SGCD: variants seen among roughly 807,000 people sequenced by gnomAD.
The protein encoded by SGCD is delta-sarcoglycan.
A neutral mutation model predicts 36.6 loss-of-function variants in SGCD; 18 were observed. The ratio of observed to expected loss-of-function variants is 0.49; its 90% CI spans 0.34 to 0.73. SGCD has a LOEUF of 0.73. SGCD is among the 30% of genes least tolerant of loss of function. The pLI is 0.01. For synonymous variants in SGCD, 133 were observed against 130.6 expected (o/e 1.02, Z -0.12); for missense variants, 387 against 346.7 (o/e 1.12, Z -0.92).
chr5:155,810,795 C>CTTTTTTTTTTT, the SGCD span, among the ~76,000 whole-genome samples: 4 of 35,334 alleles, frequency 1.1e-4, 2 homozygotes, highest in Non-Finnish European at 1.0e-4. Flanking sequence ...TTAGTGTCTG[C>CTTTTTTTTTTT]TTTTTTTTTT....
Position 156,425,211 on chromosome 5 carries a change from T to G in SGCD, c.192+80534T>G, listed in dbSNP as rs188707157. 1.1e-3 allele frequency among the ~76,000 whole-genome samples: 174 copies of G among 152,186 alleles called. 1 individual carries two copies. The highest frequency in any genetic ancestry group is 3.9e-3 in the African/African-American group (162 of 41,548). ...TCAGTGCACTGAAAGCTGGTAATTATGTTTTCATTTTTAAATGAGAAAACC... is the reference window on the plus strand; with the variant it reads ...TCAGTGCACTGAAAGCTGGTAATTAGGTTTTCATTTTTAAATGAGAAAACC... On this transcript the variant is annotated intron_variant, in intron 3 of 8. Transcript: ENST00000337851.
At chr5:156,215,985 T>C (rs1191064064) in intron 3 of SGCD, among the ~76,000 whole-genome samples, 3 of 152,190 alleles carry the variant, frequency 2.0e-5, no homozygotes, top group African/African-American at 7.2e-5. Context: ...ATATACATAA[T>C]GGAATAGTAT....
chr5:156,690,579 C>T (rs942128200), intron 7 of SGCD, among the ~76,000 whole-genome samples: 2 of 151,976 alleles, frequency 1.3e-5, no homozygotes, highest in Non-Finnish European at 2.9e-5. Context: ...AGCAGAAGCT[C>T]ATCTGCTTAG....
intron 3 of SGCD, among the ~76,000 whole-genome samples, chr5:156,408,569 G>T (rs1772549106): frequency 6.6e-6 from 1 of 152,150 alleles, no homozygotes; most frequent in Non-Finnish European, 1.5e-5. Context: ...AAGTTGGCCA[G>T]GCTGGTCTTG....
chr5:156,114,202 G>A (rs1761856581), intron 1 of SGCD, among the ~76,000 whole-genome samples: 1 of 152,136 alleles, frequency 6.6e-6, no homozygotes, highest in Non-Finnish European at 1.5e-5. Flanking sequence ...AAGAAATGTA[G>A]CACGCCAGTT....
At chr5:155,981,712 C>T (rs1269295734) in intron 1 of SGCD, among the ~76,000 whole-genome samples, 1 of 152,188 alleles carries the variant, frequency 6.6e-6, no homozygotes, top group Non-Finnish European at 1.5e-5. Flanking sequence ...AGGATGCTTT[C>T]CCATTCCTAC....
upstream of SGCD, among the ~76,000 whole-genome samples, chr5:156,323,176 T>C (rs1369167399): frequency 6.6e-6 from 1 of 152,190 alleles, no homozygotes; most frequent in Non-Finnish European, 1.5e-5. Context: ...TCCAGGTTAC[T>C]ACCTCCAAAC....
At chr5:156,264,544 C>T (rs534173279) in intron 3 of SGCD, among the ~76,000 whole-genome samples, 1 of 152,240 alleles carries the variant, frequency 6.6e-6, no homozygotes, top group South Asian at 2.1e-4. Flanking sequence ...CTTCCCAGGT[C>T]CTGAGATTAT....
chr5:155,987,999 T>A (rs1758363440), intron 1 of SGCD, among the ~76,000 whole-genome samples: 1 of 152,212 alleles, frequency 6.6e-6, no homozygotes, highest in African/African-American at 2.4e-5. Context: ...CTACCATATG[T>A]GGTAGATATT....
chr5:156,563,137 T>A (rs4080412), intron 4 of SGCD, among the ~76,000 whole-genome samples: 77,081 of 151,732 alleles, frequency 0.51, 20,193 homozygotes, highest in African/African-American at 0.62. Context: ...GCCCACAACC[T>A]CACCTGGCAA....
the SGCD span, among the ~76,000 whole-genome samples, chr5:155,804,414 C>T: frequency 6.6e-6 from 1 of 152,354 alleles, no homozygotes; most frequent in East Asian, 1.9e-4. Context: ...ACACTATGCT[C>T]TGAGACTTCC....
At chr5:156,012,206 T>C (rs574478783) in intron 1 of SGCD, among the ~76,000 whole-genome samples, 47 of 152,348 alleles carry the variant, frequency 3.1e-4, no homozygotes, top group Non-Finnish European at 5.6e-4. Context: ...TCAGACAGCA[T>C]AGCAGCAAAA....
At chr5:155,809,711 C>A in the SGCD span, among the ~76,000 whole-genome samples, 1 of 152,078 alleles carries the variant, frequency 6.6e-6, no homozygotes, top group Non-Finnish European at 1.5e-5. Flanking sequence ...GAGAGATGAG[C>A]ATCATGTGGA....
At chr5:156,439,856 T>C (rs989419876) in intron 3 of SGCD, among the ~76,000 whole-genome samples, 3 of 152,180 alleles carry the variant, frequency 2.0e-5, no homozygotes, top group East Asian at 1.9e-4. Flanking sequence ...ATCAGATTGT[T>C]GTGGAAAAAA....
At chr5:156,471,201 C>A (rs1261983472) in intron 3 of SGCD, among the ~76,000 whole-genome samples, 1 of 152,058 alleles carries the variant, frequency 6.6e-6, no homozygotes, top group Non-Finnish European at 1.5e-5. Flanking sequence ...AGTCATTGAG[C>A]AGAAAATTCC....
chr5:155,993,609 T>C (rs1561675781), intron 1 of SGCD, among the ~76,000 whole-genome samples: 1 of 152,156 alleles, frequency 6.6e-6, no homozygotes, highest in Non-Finnish European at 1.5e-5. Context: ...CCTTCCAAAG[T>C]GATGGGATTA....
chr5:155,889,324 C>A (rs1184156675), intron 1 of SGCD, among the ~76,000 whole-genome samples: 1 of 151,722 alleles, frequency 6.6e-6, no homozygotes, highest in Non-Finnish European at 1.5e-5. Flanking sequence ...TAGGCTTGGG[C>A]TTTTTTGGTT....
the SGCD span, among the ~76,000 whole-genome samples, chr5:155,863,187 C>G: frequency 1.3e-5 from 2 of 152,172 alleles, no homozygotes; most frequent in Non-Finnish European, 2.9e-5. Flanking sequence ...AGGGCATGGA[C>G]GCTCCATCCA....
intron 7 of SGCD, among the ~76,000 whole-genome samples, chr5:156,723,541 C>T (rs954037530): frequency 4.6e-5 from 7 of 152,280 alleles, no homozygotes; most frequent in Admixed American, 2.6e-4. Flanking sequence ...TGCAAAATTG[C>T]AGCAGTTAAC....
Sources: allele counts gnomAD v4.1 joint callset (sites outside exome capture counted in the v4.1 genomes callset), GRCh38; gene constraint gnomAD v4.1.1; transcripts MANE v1.5; gene names NCBI Gene and HGNC (gene_info 2026-07-23, HGNC 2026-07-21).